Variants in WDR27 observed in about 807,000 individuals in gnomAD.
The protein encoded by WDR27 is WD repeat-containing protein 27.
Under a neutral mutation model 114.4 loss-of-function variants are expected in WDR27, and 100 were observed. The observed-to-expected ratio is 0.87, with a 90% CI of 0.74 to 1.03. The LOEUF (loss-of-function observed/expected upper bound fraction) is 1.03. Among genes scored for constraint, WDR27 ranks in the 50% least tolerant of loss-of-function variants. The probability of loss-of-function intolerance (pLI) is 0.00; values close to 1 mark genes in which losing one functional copy is unlikely to be tolerated. For missense variants in WDR27, 1,129 were observed against 1,092.9 expected (o/e 1.03, Z -0.47); for synonymous variants, 449 against 423.1 (o/e 1.06, Z -0.75).
intron 25 of WDR27, among the ~76,000 whole-genome samples, chr6:169,502,401 T>C (rs945157543): frequency 7.9e-5 from 12 of 152,320 alleles, no homozygotes; most frequent in Middle Eastern, 3.4e-3. Flanking sequence ...GGGCTTACAC[T>C]GTAGTTTTTT....
chr6:169,476,780 C>A (rs1020980109), intron 25 of WDR27, among the ~76,000 whole-genome samples: 1 of 152,122 alleles, frequency 6.6e-6, no homozygotes, highest in Non-Finnish European at 1.5e-5. Flanking sequence ...ATTGTTGTAA[C>A]TAGATACTGC....
At chr6:169,534,888 T>C (rs78099962) in intron 25 of WDR27, among the ~76,000 whole-genome samples, 12,834 of 152,014 alleles carry the variant, frequency 0.084, 855 homozygotes, top group South Asian at 0.28. Flanking sequence ...CATGAACTTA[T>C]TTATACTTAA....
chr6:169,470,385 T>C (rs1006789059), intron 25 of WDR27, among the ~76,000 whole-genome samples: 1 of 152,248 alleles, frequency 6.6e-6, no homozygotes, highest in African/African-American at 2.4e-5. Flanking sequence ...TCAATGGCAC[T>C]TCCACATTCG....
At chr6:169,609,105 T>G (rs1315969661) in intron 22 of WDR27, among the ~76,000 whole-genome samples, 1 of 151,842 alleles carries the variant, frequency 6.6e-6, no homozygotes, top group Non-Finnish European at 1.5e-5. Context: ...TGGGCAGCTC[T>G]GTCCCTGTGG....
chr6:169,466,419 C>T (rs1785592234), intron 25 of WDR27, among the ~76,000 whole-genome samples: 2 of 152,182 alleles, frequency 1.3e-5, no homozygotes, highest in South Asian at 4.1e-4. Context: ...CGTCCTTCTT[C>T]ACATGTCAGC....
At chr6:169,564,875 T>C (rs1336141356) in intron 25 of WDR27, among the ~76,000 whole-genome samples, 1 of 143,316 alleles carries the variant, frequency 7.0e-6, no homozygotes, top group Non-Finnish European at 1.5e-5. Context: ...AGTGAAGTAA[T>C]GAACGCCCGC....
intron 1 of WDR27, among the ~76,000 whole-genome samples, chr6:169,695,018 G>A (rs185058496): frequency 6.6e-6 from 1 of 152,360 alleles, no homozygotes; most frequent in Admixed American, 6.5e-5. Context: ...GAGAAGGGTG[G>A]TAGCCCAGAG....
chr6:169,672,748 A>G (rs1779076608), intron 2 of WDR27, among the ~76,000 whole-genome samples: 1 of 152,188 alleles, frequency 6.6e-6, no homozygotes, highest in Admixed American at 6.5e-5. Flanking sequence ...GAATGAGGGG[A>G]GCAATGAGGT....
At chr6:169,437,303 T>C in the WDR27 span, among the ~76,000 whole-genome samples, 1 of 152,130 alleles carries the variant, frequency 6.6e-6, no homozygotes, top group Non-Finnish European at 1.5e-5. Flanking sequence ...GGTGCACTGA[T>C]TAAGGACCAA....
the WDR27 span, among the ~76,000 whole-genome samples, chr6:169,438,236 C>CTTTTTT: frequency 5.7e-5 from 6 of 105,386 alleles, no homozygotes; most frequent in Admixed American, 2.0e-4. Flanking sequence ...TTTACTTTTT[C>CTTTTTT]TTTTTTTTTT....
At chr6:169,610,178 C>T (rs1294319185) in intron 22 of WDR27, among the ~76,000 whole-genome samples, 1 of 152,224 alleles carries the variant, frequency 6.6e-6, no homozygotes, top group Non-Finnish European at 1.5e-5. Flanking sequence ...TCTGAGCCCT[C>T]CAAACTGTTC....
rs965660748 is a variant in WDR27 at position 169,647,663 on chromosome 6, T to A, written c.1657+110A>T. On this transcript the variant is annotated intron_variant, in intron 16 of 25. Coordinates refer to ENST00000448612, the MANE Select transcript of WDR27 (RefSeq NM_182552.5). ...GCCATGCAACTTCAAGTAACCAAGG[T>A]TTTTAAAAATATATTTACAATTATG... 13 of 1,056,746 alleles carry A rather than the reference T, an allele frequency of 1.2e-5. No individual in the cohort carries two copies. The Admixed American group carries it at 2.3e-4, about 19-fold the overall frequency. The allele number at this position is 1,056,746 out of a possible 1,614,324, so 65.5% of individuals were successfully genotyped here. A position where few individuals can be genotyped will look rare whatever the true frequency, so the allele number is the denominator to read the frequency against.
At chr6:169,486,899 A>ATTTTTAGAG (rs1188223708) in intron 25 of WDR27, among the ~76,000 whole-genome samples, 1 of 152,208 alleles carries the variant, frequency 6.6e-6, no homozygotes, top group African/African-American at 2.4e-5. Flanking sequence ...GGAGGAGTAA[A>ATTTTTAGAG]TCACATCTAA....
At chr6:169,512,611 A>G (rs1793045055) in intron 25 of WDR27, among the ~76,000 whole-genome samples, 1 of 152,208 alleles carries the variant, frequency 6.6e-6, no homozygotes, top group African/African-American at 2.4e-5. Flanking sequence ...GGCTTTCTAA[A>G]CCACACATAA....
At chr6:169,526,047 T>C (rs761076560) in intron 25 of WDR27, among the ~76,000 whole-genome samples, 16 of 151,914 alleles carry the variant, frequency 1.1e-4, no homozygotes, top group Non-Finnish European at 1.5e-4. Flanking sequence ...CTCATGAAGA[T>C]AGATAGAGAA....
At chr6:169,540,943 C>T (rs528901552) in intron 25 of WDR27, among the ~76,000 whole-genome samples, 6 of 152,098 alleles carry the variant, frequency 3.9e-5, no homozygotes, top group Non-Finnish European at 7.4e-5. Context: ...GTAAACTCTC[C>T]AGGGGGAGTG....
At chr6:169,493,200 C>T (rs527676826) in intron 25 of WDR27, among the ~76,000 whole-genome samples, 5 of 152,006 alleles carry the variant, frequency 3.3e-5, no homozygotes, top group Admixed American at 3.3e-4. Flanking sequence ...GCCACATAAA[C>T]ATTAACCAAT....
chr6:169,657,532 G>A (rs578203618), intron 13 of WDR27, among the ~76,000 whole-genome samples: 2 of 152,320 alleles, frequency 1.3e-5, no homozygotes, highest in Admixed American at 6.5e-5. Flanking sequence ...GGTGAAAGGC[G>A]GCTGCGGAAA....
the WDR27 span, chr6:169,426,661 T>G: frequency 6.6e-6 from 1 of 152,310 alleles, no homozygotes. Flanking sequence ...CAGGCCATGC[T>G]CTGCTCCAGG....
Sources: gnomAD v4.1 joint callset for allele counts (sites outside exome capture counted in the v4.1 genomes callset) on GRCh38, gnomAD v4.1.1 for gene constraint, MANE v1.5 for transcripts, NCBI Gene and HGNC (gene_info 2026-07-23, HGNC 2026-07-21) for gene names.